Variants in SMPDL3A observed in about 807,000 individuals in gnomAD.
The protein encoded by SMPDL3A is sphingomyelin phosphodiesterase acid like 3A.
Under a neutral mutation model 38.5 loss-of-function variants are expected in SMPDL3A, and 39 were observed. The observed-to-expected ratio is 1.01, with a 90% confidence interval of 0.78 to 1.32. The LOEUF (loss-of-function observed/expected upper bound fraction) is 1.32, where lower values mean the gene tolerates loss of function less well. Among genes scored for constraint, SMPDL3A ranks in the 40% most tolerant of loss-of-function variants. SMPDL3A has a pLI of 0.00. For missense variants in SMPDL3A, 502 were observed against 536.2 expected (o/e 0.94, Z 0.63); for synonymous variants, 180 against 194.3 (o/e 0.93, Z 0.61).
Position 122,809,651 on chromosome 6 carries a change from T to G in SMPDL3A, c.*243T>G. On this transcript the variant is annotated 3_prime_UTR_variant, in exon 8 of 8. Transcript: ENST00000368440. ...ATTGGATGTAAATATTCAGTTTATA[T>G]AATTATATCTAATTTGTACCCTTGT... 1 of 309,350 alleles carries G rather than the reference T, an allele frequency of 3.2e-6. No homozygotes were observed. The highest frequency in any genetic ancestry group is 5.9e-6 in the Non-Finnish European group (1 of 168,966). The allele number at this position is 309,350 out of a possible 1,614,324, so 19.2% of individuals were successfully genotyped here.
chr6:122,798,952 C>T (rs1781339075), intron 3 of SMPDL3A, among the ~76,000 whole-genome samples: 1 of 152,130 alleles, frequency 6.6e-6, no homozygotes, highest in South Asian at 2.1e-4. Context: ...CTTTCCACCT[C>T]ACAGTTTCGG....
At chr6:122,800,453 C>T (rs568240508) in intron 3 of SMPDL3A, among the ~76,000 whole-genome samples, 23 of 152,304 alleles carry the variant, frequency 1.5e-4, no homozygotes, top group South Asian at 4.1e-4. Flanking sequence ...CATGCTGCAT[C>T]GGGCAGTGCA....
intron 1 of SMPDL3A, among the ~76,000 whole-genome samples, chr6:122,791,743 G>T (rs920760467): frequency 4.6e-5 from 7 of 152,018 alleles, no homozygotes; most frequent in African/African-American, 1.7e-4. Context: ...ACCCAGGCTG[G>T]ACTGCAGTGG....
intron 7 of SMPDL3A, 47 bp downstream of exon 7, chr6:122,806,404 T>C: frequency 3.2e-6 from 5 of 1,549,070 alleles, no homozygotes; most frequent in Non-Finnish European, 4.4e-6. Context: ...TGCATATCTT[T>C]GCAGTTTTCA....
At chr6:122,796,393 TA>T (rs1224007093) in intron 2 of SMPDL3A, among the ~76,000 whole-genome samples, 1 of 152,216 alleles carries the variant, frequency 6.6e-6, no homozygotes, top group Admixed American at 6.5e-5. Context: ...GTAACTTATT[TA>T]ATTTTTACAA....
chr6:122,793,034 C>CAGAT (rs1267110864), intron 1 of SMPDL3A, among the ~76,000 whole-genome samples: 16 of 152,120 alleles, frequency 1.1e-4, no homozygotes, highest in Non-Finnish European at 1.5e-4. Context: ...AGATCTGTTG[C>CAGAT]AGATGATGCA....
chr6:122,803,958 C>A, intron 5 of SMPDL3A, 125 bp downstream of exon 5: 1 of 694,718 alleles, frequency 1.4e-6, no homozygotes, highest in Non-Finnish European at 2.4e-6. Flanking sequence ...TTTGCATAAA[C>A]ACTTTACAAC....
rs145099510 is a variant in SMPDL3A at position 122,809,086 on chromosome 6, T to G, written c.1045-5T>G. ...ACCAGGTTTTGTTACTGTTCTTAAC[T>G]GCAGGATATGTTGCAGTATTACTTG... On this transcript the variant is annotated splice_region_variant and splice_polypyrimidine_tract_variant and intron_variant, in intron 7 of 7. Coordinates refer to ENST00000368440, the MANE Select transcript of SMPDL3A (RefSeq NM_006714.5). 5.8e-4 allele frequency: 940 copies of G among 1,611,744 alleles called. 6 individuals carry two copies. In the African/African-American group the frequency reaches 0.011, roughly 19 times the overall value.
Position 122,803,786 on chromosome 6 carries a change from G to A in SMPDL3A, c.691G>A (p.Glu231Lys). 1 of 1,614,052 alleles carries A rather than the reference G, an allele frequency of 6.2e-7. No individual in the cohort carries two copies. The highest frequency in any genetic ancestry group is 8.5e-7 in the Non-Finnish European group (1 of 1,180,018). The change falls in exon 5 of 8, where the codon GAA (glutamate) becomes AAA (lysine). Residue 231 changes from glutamate (E) to lysine (K), a missense_variant. Coordinates refer to ENST00000368440, the MANE Select transcript of SMPDL3A (RefSeq NM_006714.5). ...LNKTDPANQF[E>K]WLESTLNNSQ... ...CAAGACTGACCCAGCCAACCAGTTT[G>A]AATGGCTAGAAAGTACATTGAACAA... is the stretch of plus-strand genomic sequence containing the variant.
chr6:122,803,892 A>C, intron 5 of SMPDL3A, 59 bp downstream of exon 5: 1 of 1,479,660 alleles, frequency 6.8e-7, no homozygotes, highest in Non-Finnish European at 9.3e-7. Flanking sequence ...TTGTATGTTT[A>C]TTAAACTCGG....
At chr6:122,792,739 T>G (rs567761584) in intron 1 of SMPDL3A, among the ~76,000 whole-genome samples, 23 of 151,448 alleles carry the variant, frequency 1.5e-4, no homozygotes, top group African/African-American at 5.3e-4. Context: ...GCTCAAGAGA[T>G]CCTTCCTAAG....
rs758031368 is a variant in SMPDL3A, at chr6:122,796,812, C to G, written c.327-12C>G. 3.1e-6 allele frequency: 5 copies of G among 1,607,324 alleles called. No individual in the cohort carries two copies. The highest frequency in any genetic ancestry group is 2.2e-5 in the East Asian group (1 of 44,812). On this transcript the variant is annotated splice_polypyrimidine_tract_variant and intron_variant, in intron 2 of 7. Coordinates refer to ENST00000368440, the MANE Select transcript of SMPDL3A (RefSeq NM_006714.5). ...ACTGATTTTGTTCTTTACAATCTCT[C>G]TCTTTTTTCAGGGATAGCCCACCTC...
chr6:122,805,214 T>A (rs929267523), intron 6 of SMPDL3A, 125 bp downstream of exon 6: 3 of 741,102 alleles, frequency 4.0e-6, no homozygotes, highest in Non-Finnish European at 6.3e-6. Flanking sequence ...CATTAGCCTT[T>A]TCTGAATTAT....
At chr6:122,789,557 G>T (rs1780994007) in intron 1 of SMPDL3A, 99 bp downstream of exon 1, 1 of 1,111,364 alleles carries the variant, frequency 9.0e-7, no homozygotes, top group Non-Finnish European at 1.3e-6. Flanking sequence ...AGCTGCCCCC[G>T]GCAGAGGCTC....
At chr6:122,795,602 C>A in intron 1 of SMPDL3A, 75 bp from the exon 2 acceptor site, 1 of 1,136,322 alleles carries the variant, frequency 8.8e-7, no homozygotes, top group African/African-American at 1.6e-5. Flanking sequence ...CGTCTCTAGT[C>A]TTAATATAAA....
At chr6:122,803,403 T>G (rs187080817) in intron 4 of SMPDL3A, among the ~76,000 whole-genome samples, 18 of 152,360 alleles carry the variant, frequency 1.2e-4, no homozygotes, top group African/African-American at 4.3e-4. Flanking sequence ...CTTATTTATC[T>G]TTTCATGTGA....
intron 3 of SMPDL3A, among the ~76,000 whole-genome samples, chr6:122,798,749 C>T (rs976030071): frequency 6.6e-6 from 1 of 152,094 alleles, no homozygotes; most frequent in African/African-American, 2.4e-5. Context: ...TATCTCTGTC[C>T]TCTTTTTGTC....
intron 1 of SMPDL3A, among the ~76,000 whole-genome samples, chr6:122,795,234 C>T (rs112950783): frequency 1.2e-4 from 18 of 152,182 alleles, no homozygotes; most frequent in African/African-American, 4.1e-4. Context: ...CTCCACCTCC[C>T]GGGTTTAAGT....
intron 3 of SMPDL3A, 71 bp from the exon 4 acceptor site, chr6:122,801,239 C>T (rs1781420412): frequency 1.9e-6 from 2 of 1,045,060 alleles, no homozygotes; most frequent in East Asian, 4.7e-5. Context: ...AGTCAGTGCT[C>T]AAGTAGTGTT....
Sources: gnomAD v4.1 joint callset for allele counts (sites outside exome capture counted in the v4.1 genomes callset) on GRCh38, gnomAD v4.1.1 for gene constraint, MANE v1.5 for transcripts, NCBI Gene and HGNC (gene_info 2026-07-23, HGNC 2026-07-21) for gene names.